Variants in NIPBL observed in about 807,000 individuals in gnomAD.
The protein encoded by NIPBL is nipped-B-like protein.
A neutral mutation model predicts 321.8 loss-of-function variants in NIPBL; 19 were observed. The ratio of observed to expected loss-of-function variants is 0.06; its 90% CI spans 0.04 to 0.09. NIPBL has a LOEUF of 0.09. Ranked by LOEUF, NIPBL falls within the 10% of genes least tolerant of loss-of-function variation. The pLI, the probability that NIPBL is intolerant of heterozygous loss-of-function variation, is 1.00. For missense variants in NIPBL, 2,210 were observed against 3,327.0 expected, an observed-to-expected ratio of 0.66 and a Z score of 8.26; for synonymous variants, 1,106 against 1,114.1, an observed-to-expected ratio of 0.99 and a Z score of 0.14.
chr5:36,947,480 C>G (rs188577225), intron 1 of NIPBL, among the ~76,000 whole-genome samples: 3 of 152,124 alleles, frequency 2.0e-5, no homozygotes, highest in Admixed American at 2.0e-4. Flanking sequence ...AAGATATCAA[C>G]ATTATGTAAG....
chr5:37,005,964 TTTG>T (rs1747381034), intron 16 of NIPBL, among the ~76,000 whole-genome samples: 1 of 152,182 alleles, frequency 6.6e-6, no homozygotes, highest in Non-Finnish European at 1.5e-5. Flanking sequence ...TAATTTTTGC[TTTG>T]TTATCACAGC....
chr5:37,029,867 T>G (rs1203008564), intron 32 of NIPBL, among the ~76,000 whole-genome samples: 1 of 152,232 alleles, frequency 6.6e-6, no homozygotes, highest in Non-Finnish European at 1.5e-5. Flanking sequence ...ATTTCATATT[T>G]TTACATGATA....
intron 1 of NIPBL, among the ~76,000 whole-genome samples, chr5:36,911,793 A>C (rs1164678659): frequency 6.6e-6 from 1 of 152,210 alleles, no homozygotes; most frequent in Non-Finnish European, 1.5e-5. Flanking sequence ...CACAGAGAAA[A>C]ATTAGCAAAA....
chr5:36,919,441 C>G (rs1216017321), intron 1 of NIPBL, among the ~76,000 whole-genome samples: 1 of 151,830 alleles, frequency 6.6e-6, no homozygotes, highest in African/African-American at 2.4e-5. Context: ...TTGAGTGATC[C>G]TTCCACCTCA....
intron 1 of NIPBL, among the ~76,000 whole-genome samples, chr5:36,925,584 A>G (rs1749296813): frequency 6.6e-6 from 1 of 152,154 alleles, no homozygotes. Context: ...AATTTTTAAA[A>G]TAACTCTGAG....
At position 36,985,378 on chromosome 5, in the gene NIPBL, C is replaced by T; in HGVS notation, c.2198C>T (p.Pro733Leu). Residue 733 changes from proline (P) to leucine (L), a missense_variant, in exon 10 of 47, where the codon CCT becomes CTT. By Grantham distance (98) the Pro-to-Leu change is moderately conservative. This residue lies in a region of NIPBL where 588 missense variants were observed against 564.1 expected (regional missense o/e 1.04). Coordinates refer to ENST00000282516, the MANE Select transcript of NIPBL (RefSeq NM_133433.4). ...CCAAAACAGAAGGGTGATGGAAGGC[C>T]TGAAACTCCAAAGCAAAAAGGTGAG... ...ETPKQKGDGR[P>L]ETPKQKGESR... 6.2e-7 allele frequency: 1 copy of T among 1,613,532 alleles called. No individual in the cohort carries two copies. The highest frequency in any genetic ancestry group is 1.1e-5 in the South Asian group (1 of 91,068).
Position 36,892,616 on chromosome 5 carries a change from G to T in NIPBL, c.-80+15438G>T, listed in dbSNP as rs376861524. The stretch of plus-strand genomic sequence containing the variant: ...TGGAATACTATGCAGCCATAAAAAA[G>T]GATGAGTTCATGTCCTTTGTAGGGA... On this transcript the variant is annotated intron_variant, in intron 1 of 46. Transcript: ENST00000282516. Among the ~76,000 whole-genome samples the T allele has an allele frequency of 4.1e-4, 62 of 152,262 alleles. 2 individuals are homozygous for T. In the South Asian group the frequency reaches 0.012, roughly 31 times the overall value.
intron 4 of NIPBL, 48 bp from the exon 5 acceptor site, chr5:36,961,436 T>C: frequency 9.2e-7 from 1 of 1,089,468 alleles, no homozygotes; most frequent in South Asian, 1.2e-5. Flanking sequence ...TAAAGGACAC[T>C]TTACTGTTAG....
intron 33 of NIPBL, among the ~76,000 whole-genome samples, chr5:37,036,827 A>G (rs532975177): frequency 3.9e-5 from 6 of 152,052 alleles, no homozygotes; most frequent in Non-Finnish European, 8.8e-5. Context: ...CACAAAACTG[A>G]TATCTCCTAA....
At chr5:37,032,386 CGTGTGTGTGTGTGTGTGTGTGTGT>C (rs58831894) in intron 32 of NIPBL, among the ~76,000 whole-genome samples, 36 of 123,594 alleles carry the variant, frequency 2.9e-4, no homozygotes, top group Admixed American at 2.0e-3. Context: ...TACATGTATA[CGTGTGTGTGTGTGTGTGTGTGTGT>C]GTGTGTGTGT....
At chr5:36,919,761 A>G (rs1455158514) in intron 1 of NIPBL, among the ~76,000 whole-genome samples, 1 of 152,078 alleles carries the variant, frequency 6.6e-6, no homozygotes, top group African/African-American at 2.4e-5. Flanking sequence ...ATAATGAAAA[A>G]CCTCTGATAT....
chr5:36,953,890 T>C, intron 2 of NIPBL, 130 bp downstream of exon 2: 2 of 752,952 alleles, frequency 2.7e-6, no homozygotes, highest in South Asian at 1.6e-5. Flanking sequence ...AACTGCCCTT[T>C]AAAGAAAAAA....
intron 1 of NIPBL, among the ~76,000 whole-genome samples, chr5:36,879,563 A>C (rs939933874): frequency 1.3e-5 from 2 of 152,190 alleles, no homozygotes; most frequent in African/African-American, 4.8e-5. Context: ...TGGAGAGAAT[A>C]GTTTGTTTCC....
chr5:37,057,690 A>T (rs1005143637), intron 43 of NIPBL, among the ~76,000 whole-genome samples: 5 of 152,246 alleles, frequency 3.3e-5, no homozygotes, highest in African/African-American at 4.8e-5. Flanking sequence ...AACATTACAC[A>T]TGAAAATATA....
At chr5:36,992,817 A>G (rs1408781702) in intron 10 of NIPBL, among the ~76,000 whole-genome samples, 3 of 151,746 alleles carry the variant, frequency 2.0e-5, no homozygotes, top group Admixed American at 2.0e-4. Flanking sequence ...ATCTTGGCTC[A>G]CTGCAGACTC....
chr5:36,995,844 A>G, intron 11 of NIPBL, 40 bp downstream of exon 11: 3 of 1,553,380 alleles, frequency 1.9e-6, no homozygotes, highest in Non-Finnish European at 2.7e-6. Flanking sequence ...TTTAGAGTTT[A>G]AAAGCAGGTT....
intron 6 of NIPBL, among the ~76,000 whole-genome samples, chr5:36,969,355 G>A (rs1298833343): frequency 2.0e-5 from 3 of 152,190 alleles, no homozygotes; most frequent in African/African-American, 7.2e-5. Context: ...GGAATGAAGT[G>A]TAGCAGCTCA....
chr5:36,986,416 C>A, intron 10 of NIPBL, 115 bp downstream of exon 10: 1 of 701,898 alleles, frequency 1.4e-6, no homozygotes, highest in Non-Finnish European at 2.1e-6. Flanking sequence ...GAAAATATAA[C>A]ATTTATGTCA....
intron 1 of NIPBL, among the ~76,000 whole-genome samples, chr5:36,899,818 G>C (rs1747064347): frequency 6.6e-6 from 1 of 152,258 alleles, no homozygotes; most frequent in East Asian, 1.9e-4. Flanking sequence ...GATGGATCAG[G>C]TGTTGTTTTC....
Sources: allele counts gnomAD v4.1 joint callset (sites outside exome capture counted in the v4.1 genomes callset), GRCh38; gene constraint gnomAD v4.1.1; regional missense constraint gnomAD v4.1.1; transcripts MANE v1.5; gene names NCBI Gene and HGNC (gene_info 2026-07-23, HGNC 2026-07-21).